The following KCNE2 variants were observed in gnomAD, a reference collection of about 807,000 sequenced individuals.
KCNE2 encodes the protein potassium voltage-gated channel subfamily E member 2.
Under a neutral mutation model 4.5 loss-of-function variants are expected in KCNE2, and 4 were observed. The observed-to-expected ratio is 0.89, with a 90% CI of 0.44 to 2.03. KCNE2 has a LOEUF of 2.03. Among genes scored for constraint, KCNE2 ranks in the 30% most tolerant of loss-of-function variants. The probability of loss-of-function intolerance (pLI) is 0.03; values close to 1 mark genes in which losing one functional copy is unlikely to be tolerated. For missense variants in KCNE2, 137 were observed against 151.4 expected, an observed-to-expected ratio of 0.90 and a Z score of 0.50; for synonymous variants, 57 against 55.9, an observed-to-expected ratio of 1.02 and a Z score of -0.09.
intron 1 of KCNE2, among the ~76,000 whole-genome samples, chr21:34,368,420 G>A (rs575226142): frequency 8.3e-4 from 126 of 151,688 alleles, no homozygotes; most frequent in Middle Eastern, 6.8e-3. Context: ...CTAACATGGC[G>A]AAACCCCGTC....
intron 1 of KCNE2, among the ~76,000 whole-genome samples, chr21:34,367,751 A>G (rs1979372211): frequency 6.6e-6 from 1 of 152,208 alleles, no homozygotes; most frequent in Admixed American, 6.5e-5. Flanking sequence ...TTCATGAAGG[A>G]AAGAAAAGTC....
Position 34,370,976 on chromosome 21 carries a change from C to T in KCNE2, c.*126C>T. 8.2e-7 allele frequency: 1 copy of T among 1,215,610 alleles called. No homozygotes were observed. Among genetic ancestry groups the T allele is most frequent in the Non-Finnish European group, 1.2e-6 (1 of 840,068 alleles). The allele number at this position is 1,215,610 out of a possible 1,614,324, so 75.3% of individuals were successfully genotyped here. On this transcript the variant is annotated 3_prime_UTR_variant, in exon 2 of 2. Transcript: ENST00000290310. The stretch of plus-strand genomic sequence containing the variant: ...TTCCTTGCTCTCTGTTGAGAATTTT[C>T]ATGGAGATTATGTGGTTGGCCAATA...
rs16991657 is a variant in KCNE2 at position 34,370,826 on chromosome 21, G to A, written c.348G>A (p.Ala116=). The A allele has an allele frequency of 2.8e-5, 45 of 1,613,972 alleles. No homozygotes were observed. The East Asian group carries it at 5.6e-4, about 20-fold the overall frequency. The change falls in exon 2 of 2, where the codon GCG becomes GCA. Residue 116 remains alanine, a synonymous_variant. Transcript: ENST00000290310. Reference sequence around the variant, plus strand: ...CCACCATCCATGAGAACATTGGTGCGGCTGGGTTCAAAATGTCCCCCTGAT... The same window carrying A: ...CCACCATCCATGAGAACATTGGTGCAGCTGGGTTCAAAATGTCCCCCTGAT... The part of the protein sequence containing the change: ...SKATIHENIG[A]AGFKMSP
At chr21:34,368,240 ATATATATATATATATATATATGTATGT>A (rs1305612055) in intron 1 of KCNE2, among the ~76,000 whole-genome samples, 12 of 111,534 alleles carry the variant, frequency 1.1e-4, no homozygotes, top group African/African-American at 4.6e-4. Context: ...ATATATATAT[ATATATATATATATATATATATGTATGT>A]TATATATATG....
At chr21:34,367,159 CA>C (rs35381423) in intron 1 of KCNE2, among the ~76,000 whole-genome samples, 26,911 of 79,710 alleles carry the variant, frequency 0.34, 2,796 homozygotes, top group African/African-American at 0.4. Context: ...GACCCCATCT[CA>C]AAAAAAAAAA....
chr21:34,370,702 A>C lies in KCNE2; in HGVS notation c.224A>C (p.Lys75Thr). Residue 75 changes from lysine (K) to threonine (T), a missense_variant, in exon 2 of 2, where the codon AAG (lysine) becomes ACG (threonine). By Grantham distance (78) the Lys-to-Thr change is moderately conservative (BLOSUM62 -1). Coordinates refer to ENST00000290310, the MANE Select transcript of KCNE2 (RefSeq NM_172201.2). ...ATCCTGGTGAGCACTGTGAAATCCA[A>C]GAGACGGGAACACTCCAATGACCCC... ...VAILVSTVKS[K>T]RREHSNDPYH... is the part of the protein sequence containing the mutation. The C allele has an allele frequency of 6.2e-7, 1 of 1,614,240 alleles. No individual in the cohort carries two copies. The highest frequency in any genetic ancestry group is 8.5e-7 in the Non-Finnish European group (1 of 1,180,050).
intron 1 of KCNE2, among the ~76,000 whole-genome samples, chr21:34,366,660 A>G (rs1196442220): frequency 2.0e-5 from 3 of 152,100 alleles, no homozygotes; most frequent in African/African-American, 7.2e-5. Flanking sequence ...TCACATGAAT[A>G]AGCACACAAT....
In KCNE2 at chr21:34,368,229, AATATATATATATAT is replaced by A. The variant is rs10596236; in HGVS notation, c.-12-2219_-12-2206del. ...CACACACACACACACACACACACAC[AATATATATATATAT>A]ATATATATATATATATATGTATGTT... On this transcript the variant is annotated intron_variant, in intron 1 of 1. Transcript: ENST00000290310. 7.3e-4 allele frequency among the ~76,000 whole-genome samples: 62 copies of A among 84,796 alleles called. 3 individuals carry two copies. The highest frequency in any genetic ancestry group is 1.0e-3 in the Non-Finnish European group (50 of 49,432). 55.6% of individuals were successfully genotyped at this position (84,796 alleles called of 152,430 possible). A position where few individuals can be genotyped will look rare whatever the true frequency, so the allele number is the denominator to read the frequency against.
rs72550217 is a variant in KCNE2 at position 34,370,882 on chromosome 21, C to T, written c.*32C>T. 7.4e-5 allele frequency: 119 copies of T among 1,612,726 alleles called. No homozygotes were observed. The highest frequency in any genetic ancestry group is 5.1e-4 in the African/African-American group (38 of 75,002). ...AGAAAGGCACCAAGCTAACATCTGACGTCCAGACATGAAGAGATGCCAGTG... is the reference window on the plus strand; with the variant it reads ...AGAAAGGCACCAAGCTAACATCTGATGTCCAGACATGAAGAGATGCCAGTG... On this transcript the variant is annotated 3_prime_UTR_variant, in exon 2 of 2. Transcript: ENST00000290310.
intron 1 of KCNE2, among the ~76,000 whole-genome samples, chr21:34,369,020 G>A (rs902388487): frequency 6.6e-6 from 1 of 152,040 alleles, no homozygotes; most frequent in Admixed American, 6.6e-5. Flanking sequence ...AAAGGCAAAG[G>A]CATTCTAGGT....
chr21:34,364,415 A>C (rs553822163), intron 1 of KCNE2, among the ~76,000 whole-genome samples: 2 of 152,206 alleles, frequency 1.3e-5, no homozygotes, highest in African/African-American at 4.8e-5. Context: ...TATAAAAATG[A>C]AAGACTTTGC....
intron 1 of KCNE2, among the ~76,000 whole-genome samples, chr21:34,369,071 T>C (rs1470566811): frequency 1.3e-5 from 2 of 152,154 alleles, no homozygotes; most frequent in Non-Finnish European, 1.5e-5. Flanking sequence ...GAAAGAGAGC[T>C]TACTGACAGG....
chr21:34,370,389 TC>T, intron 1 of KCNE2, 77 bp from the exon 2 acceptor site: 1 of 1,568,692 alleles, frequency 6.4e-7, no homozygotes. Flanking sequence ...GGCATCTCCC[TC>T]CCACCTTTAC....
chr21:34,366,823 C>CA (rs1979321811), intron 1 of KCNE2, among the ~76,000 whole-genome samples: 5 of 151,218 alleles, frequency 3.3e-5, no homozygotes, highest in South Asian at 2.1e-4. Flanking sequence ...ACTAAAAATA[C>CA]AAAAAATTAG....
intron 1 of KCNE2, among the ~76,000 whole-genome samples, chr21:34,366,974 CAAAAAAAAAAAAAAAAAA>C (rs747133749): frequency 6.7e-5 from 1 of 14,824 alleles, no homozygotes; most frequent in African/African-American, 2.3e-4. Flanking sequence ...GACTCCATCT[CAAAAAAAAAAAAAAAAAA>C]AAAAAAAAAG....
rs1192778726 is a variant in KCNE2, at chr21:34,370,080, T to A, written c.-12-387T>A. On this transcript the variant is annotated intron_variant, in intron 1 of 1. Coordinates refer to ENST00000290310, the MANE Select transcript of KCNE2 (RefSeq NM_172201.2). Reference sequence around the variant, plus strand: ...CAAGACTGCTGATGAAAATTTGGAATATGAGAAAAGCATAAAGAAGAAAAT... The same window carrying A: ...CAAGACTGCTGATGAAAATTTGGAAAATGAGAAAAGCATAAAGAAGAAAAT... Among the ~76,000 whole-genome samples the A allele has an allele frequency of 2.6e-5, 4 of 152,230 alleles. No homozygotes were observed. The East Asian group carries it at 7.7e-4, about 29-fold the overall frequency.
intron 1 of KCNE2, among the ~76,000 whole-genome samples, chr21:34,368,623 T>A (rs2123421896): frequency 6.6e-6 from 1 of 152,188 alleles, no homozygotes; most frequent in East Asian, 1.9e-4. Context: ...ATTTTTGCCT[T>A]GCAATCGTTT....
At chr21:34,366,318 GT>G (rs1979287774) in intron 1 of KCNE2, among the ~76,000 whole-genome samples, 1 of 152,116 alleles carries the variant, frequency 6.6e-6, no homozygotes, top group Non-Finnish European at 1.5e-5. Flanking sequence ...GAAAAATTAA[GT>G]CACATCATTT....
chr21:34,368,204 C>A (rs1979391599), intron 1 of KCNE2, among the ~76,000 whole-genome samples: 1 of 88,966 alleles, frequency 1.1e-5, no homozygotes, highest in South Asian at 4.2e-4. Context: ...TAATCACACA[C>A]ACACACACAC....
Sources: gnomAD v4.1 joint callset for allele counts (sites outside exome capture counted in the v4.1 genomes callset) on GRCh38, gnomAD v4.1.1 for gene constraint, MANE v1.5 for transcripts, NCBI Gene and HGNC (gene_info 2026-07-23, HGNC 2026-07-21) for gene names.